The following MYH9 variants were observed in gnomAD, a reference collection of about 807,000 sequenced individuals.
MYH9 encodes myosin heavy chain 9, also known as myosin-9.
Under a neutral mutation model 241.9 loss-of-function variants are expected in MYH9, and 29 were observed. The ratio of observed to expected loss-of-function variants is 0.12; its 90% CI spans 0.09 to 0.16. MYH9 has a LOEUF of 0.16. MYH9 is among the 10% of genes least tolerant of loss of function. The pLI is 1.00. For synonymous variants in MYH9, 1,047 were observed against 1,062.6 expected, an observed-to-expected ratio of 0.99 and a Z score of 0.29; for missense variants, 1,803 against 2,595.5, an observed-to-expected ratio of 0.69 and a Z score of 6.63.
chr22:36,370,815 T>A (rs554643840), intron 1 of MYH9, among the ~76,000 whole-genome samples: 4 of 139,960 alleles, frequency 2.9e-5, no homozygotes, highest in South Asian at 4.9e-4. Flanking sequence ...GAGAGCAAAG[T>A]GGGACAAAAG....
intron 1 of MYH9, among the ~76,000 whole-genome samples, chr22:36,375,281 C>A (rs1169659472): frequency 2.0e-5 from 3 of 151,654 alleles, no homozygotes; most frequent in African/African-American, 4.9e-5. Flanking sequence ...CTCAGACAGG[C>A]ACAGCAGTGC....
chr22:36,341,274 C>T, intron 3 of MYH9, 96 bp downstream of exon 3: 1 of 1,489,754 alleles, frequency 6.7e-7, no homozygotes, highest in Non-Finnish European at 9.3e-7. Flanking sequence ...GCCACTAGAT[C>T]AATGTGGCAC....
At chr22:36,302,233 A>G (rs1343754335) in intron 20 of MYH9, 2 of 282,046 alleles carry the variant, frequency 7.1e-6, no homozygotes, top group South Asian at 3.8e-5. Flanking sequence ...GTTTTTCGCC[A>G]TTACCATAAA....
intron 40 of MYH9, among the ~76,000 whole-genome samples, chr22:36,283,283 T>C (rs958623043): frequency 6.6e-6 from 1 of 152,140 alleles, no homozygotes; most frequent in Admixed American, 6.6e-5. Flanking sequence ...ATCCTTGTAA[T>C]CTCAGCTCTC....
chr22:36,295,491 G>C lies in MYH9; in HGVS notation c.3485+14C>G. On this transcript the variant is annotated intron_variant, in intron 26 of 40. Coordinates refer to ENST00000216181, the MANE Select transcript of MYH9 (RefSeq NM_002473.6). This position sits in a 1 kb window ranked among gnomAD's most constrained non-coding sequence, Gnocchi z 4.1. ...TGCCCTCCCCATCCCGAGGGACTTGGTCCCAGGGCACACCTGAGCTCCTGC... is the reference window on the plus strand; with the variant it reads ...TGCCCTCCCCATCCCGAGGGACTTGCTCCCAGGGCACACCTGAGCTCCTGC... 2 of 1,610,868 alleles carry C rather than the reference G, an allele frequency of 1.2e-6. No homozygotes were observed. The highest frequency in any genetic ancestry group is 1.7e-6 in the Non-Finnish European group (2 of 1,179,492).
intron 12 of MYH9, 54 bp from the exon 13 acceptor site, chr22:36,314,372 C>T (rs1741144663): frequency 2.5e-6 from 4 of 1,603,562 alleles, no homozygotes; most frequent in Non-Finnish European, 3.4e-6. Flanking sequence ...CTAAAGAGGC[C>T]CAGACACCCC....
At chr22:36,290,920 C>G (rs1225261662) in intron 31 of MYH9, among the ~76,000 whole-genome samples, 1 of 151,894 alleles carries the variant, frequency 6.6e-6, no homozygotes, top group African/African-American at 2.4e-5. Context: ...GCAACCGCCC[C>G]GTCTGAGAGG....
intron 31 of MYH9, among the ~76,000 whole-genome samples, chr22:36,291,691 A>T (rs1271939292): frequency 2.0e-5 from 3 of 150,686 alleles, no homozygotes; most frequent in African/African-American, 7.3e-5. Flanking sequence ...ATTAAAAAAA[A>T]AAAAAAAAAA....
intron 1 of MYH9, among the ~76,000 whole-genome samples, chr22:36,381,604 C>T (rs1000559214): frequency 3.3e-5 from 5 of 152,068 alleles, no homozygotes; most frequent in Non-Finnish European, 5.9e-5. Context: ...TTACCAGGGT[C>T]TCAGTATCTT....
chr22:36,356,681 A>G (rs1314745266), intron 1 of MYH9, among the ~76,000 whole-genome samples: 3 of 152,132 alleles, frequency 2.0e-5, no homozygotes, highest in Admixed American at 2.0e-4. Flanking sequence ...CAATCAACTA[A>G]TACATAGAGA....
In MYH9 at chr22:36,282,298, C is replaced by T; in HGVS notation, c.*370G>A. On this transcript the variant is annotated 3_prime_UTR_variant, in exon 41 of 41. Transcript: ENST00000216181. ...GCTCCGACTACCAAAAGGCCTCAGT[C>T]TGAAGAAAAATAGATTCATAGAAAA... is the stretch of plus-strand genomic sequence containing the variant. The T allele has an allele frequency of 2.4e-6, 1 of 413,250 alleles. No homozygotes were observed. The highest frequency in any genetic ancestry group is 4.5e-6 in the Non-Finnish European group (1 of 224,070). The allele number at this position is 413,250 out of a possible 1,614,324, so 25.6% of individuals were successfully genotyped here.
At chr22:36,286,665 C>A in intron 35 of MYH9, 53 bp downstream of exon 35, 1 of 1,605,598 alleles carries the variant, frequency 6.2e-7, no homozygotes, top group Non-Finnish European at 8.5e-7. Flanking sequence ...CCCCACGCTG[C>A]CACCTGCTGG....
intron 1 of MYH9, among the ~76,000 whole-genome samples, chr22:36,357,274 T>C (rs1264215529): frequency 6.6e-6 from 1 of 152,040 alleles, no homozygotes; most frequent in Non-Finnish European, 1.5e-5. Context: ...GGGTAGAATA[T>C]TGGCAGGGAA....
At chr22:36,348,316 C>T (rs1186807493) in intron 2 of MYH9, among the ~76,000 whole-genome samples, 1 of 150,954 alleles carries the variant, frequency 6.6e-6, no homozygotes, top group East Asian at 1.9e-4. Flanking sequence ...CAAGACCAGC[C>T]TCGCCAACAT....
intron 1 of MYH9, among the ~76,000 whole-genome samples, chr22:36,365,907 C>T (rs1236627992): frequency 2.6e-5 from 4 of 152,124 alleles, no homozygotes; most frequent in African/African-American, 4.8e-5. Context: ...ACTGGTTGCC[C>T]GCCAGGCATG....
Position 36,282,532 on chromosome 22 carries a change from G to C in MYH9, c.*136C>G. On this transcript the variant is annotated 3_prime_UTR_variant, in exon 41 of 41. Coordinates refer to ENST00000216181, the MANE Select transcript of MYH9 (RefSeq NM_002473.6). ...CAACACCTGGAGGGAAACGGGATGG[G>C]GGGACGGGGCGGAGGGCAGGAGGAG... is the stretch of plus-strand genomic sequence containing the variant. 1 of 864,228 alleles carries C rather than the reference G, an allele frequency of 1.2e-6. No individual in the cohort carries two copies. The highest frequency in any genetic ancestry group is 1.3e-5 in the South Asian group (1 of 76,188). The allele number at this position is 864,228 out of a possible 1,614,324, so 53.5% of individuals were successfully genotyped here.
At chr22:36,314,074 G>A in intron 13 of MYH9, 71 bp downstream of exon 13, 2 of 1,534,550 alleles carry the variant, frequency 1.3e-6, no homozygotes, top group Non-Finnish European at 1.8e-6. Flanking sequence ...ACAGAGCTGA[G>A]GTGAGGAGCG....
At chr22:36,290,559 C>T (rs547638297) in intron 31 of MYH9, among the ~76,000 whole-genome samples, 6 of 152,322 alleles carry the variant, frequency 3.9e-5, no homozygotes, top group African/African-American at 7.2e-5. Context: ...AGCCTCTTCC[C>T]GGCCGCCACC....
rs200732002 is a variant in MYH9, at chr22:36,294,970, C to A, written c.3592G>T (p.Val1198Leu). Reference protein sequence around the residue: ...QEMRQKHSQAVEELAEQLEQT... With the variant: ...QEMRQKHSQALEELAEQLEQT... The stretch of plus-strand genomic sequence containing the variant: ...TCCAGCTGCTCCGCCAGCTCCTCCA[C>A]GGCCTGTGAGTGCTTCTGCCTCATC... The change falls in exon 27 of 41, where the codon GTG (valine) becomes TTG (leucine). Residue 1198 changes from valine (V) to leucine (L), a missense_variant. Physicochemically the swap from Val to Leu is conservative, Grantham distance 32. Coordinates refer to ENST00000216181, the MANE Select transcript of MYH9 (RefSeq NM_002473.6). 1.2e-6 allele frequency: 2 copies of A among 1,614,154 alleles called. No homozygotes were observed. The highest frequency in any genetic ancestry group is 1.1e-5 in the South Asian group (1 of 91,086).
Sources: gnomAD v4.1 joint callset for allele counts (sites outside exome capture counted in the v4.1 genomes callset) on GRCh38, gnomAD v4.1.1 for gene constraint, Gnocchi (gnomAD v3.1) non-coding constraint, MANE v1.5 for transcripts, NCBI Gene and HGNC (gene_info 2026-07-23, HGNC 2026-07-21) for gene names.